Variants in RPAP3 observed in about 807,000 individuals in gnomAD.
RPAP3 encodes RNA polymerase II-associated protein 3.
In RPAP3, 58 loss-of-function variants were observed where a neutral mutation model predicts 88.8. The observed-to-expected ratio is 0.65, with a 90% confidence interval of 0.53 to 0.81. The LOEUF (loss-of-function observed/expected upper bound fraction) is 0.81. Ranked by LOEUF, RPAP3 falls within the 40% of genes least tolerant of loss-of-function variation. The probability of loss-of-function intolerance (pLI) is 0.00; values close to 1 mark genes in which losing one functional copy is unlikely to be tolerated. For synonymous variants in RPAP3, 255 were observed against 259.9 expected (o/e 0.98, Z 0.18); for missense variants, 751 against 764.3 (o/e 0.98, Z 0.20).
At chr12:47,696,491 T>A in intron 4 of RPAP3, 88 bp from the exon 5 acceptor site, 1 of 809,466 alleles carries the variant, frequency 1.2e-6, no homozygotes, top group Non-Finnish European at 1.8e-6. Flanking sequence ...TTGAAGTGCA[T>A]GGGTCCACTT....
At chr12:47,701,871 A>G (rs1260965040) in intron 2 of RPAP3, among the ~76,000 whole-genome samples, 3 of 152,348 alleles carry the variant, frequency 2.0e-5, no homozygotes, top group South Asian at 4.1e-4. Flanking sequence ...GCAATCCTAA[A>G]TTCAAACTTC....
Position 47,691,755 on chromosome 12 carries a change from C to CT in RPAP3, c.546-1117dup, listed in dbSNP as rs1294805773. 6.1e-5 allele frequency among the ~76,000 whole-genome samples: 9 copies of CT among 147,846 alleles called. No individual in the cohort carries two copies. The South Asian group carries it at 6.4e-4, about 11-fold the overall frequency. ...CTTTGAAATAAATCCTTTTTTTTTT[C>CT]TTTTTTTTTGAGACAGAGTCTTGCT... On this transcript the variant is annotated intron_variant, in intron 5 of 16. Coordinates refer to ENST00000005386, the MANE Select transcript of RPAP3 (RefSeq NM_024604.3).
At chr12:47,699,237 A>C (rs2136643236) in intron 3 of RPAP3, among the ~76,000 whole-genome samples, 1 of 152,358 alleles carries the variant, frequency 6.6e-6, no homozygotes, top group Non-Finnish European at 1.5e-5. Context: ...CTCAATCAAT[A>C]TCTGTTGAAT....
intron 5 of RPAP3, among the ~76,000 whole-genome samples, chr12:47,692,935 A>G (rs1416879561): frequency 6.6e-6 from 1 of 152,130 alleles, no homozygotes; most frequent in East Asian, 1.9e-4. Flanking sequence ...GCTGGAGTGC[A>G]GCGGCATGAT....
intron 4 of RPAP3, among the ~76,000 whole-genome samples, chr12:47,697,020 A>G (rs1939546327): frequency 6.6e-6 from 1 of 152,236 alleles, no homozygotes; most frequent in Admixed American, 6.5e-5. Flanking sequence ...TATACTCCTT[A>G]TTGACAATGC....
rs775389930 is a variant in RPAP3 at position 47,679,762 on chromosome 12, A to T, written c.1127T>A (p.Val376Asp). 1.9e-6 allele frequency: 3 copies of T among 1,604,470 alleles called. No individual in the cohort carries two copies. In the South Asian group the frequency reaches 3.4e-5, roughly 18 times the overall value. ...LNEAKQDFET[V>D]LLLEPGNKQA... ...CTTATTTCCAGGTTCCAGAAGTAAA[A>T]CAGTTTCAAAATCTAAAGCGAATTT... Residue 376 changes from valine (V) to aspartate (D), a missense_variant, in exon 11 of 17, where the codon GTT becomes GAT. Coordinates refer to ENST00000005386, the MANE Select transcript of RPAP3 (RefSeq NM_024604.3).
At chr12:47,675,698 T>C (rs991127289) in intron 12 of RPAP3, among the ~76,000 whole-genome samples, 1 of 152,154 alleles carries the variant, frequency 6.6e-6, no homozygotes, top group Non-Finnish European at 1.5e-5. Context: ...GATCTAACTA[T>C]CCTAAATATA....
chr12:47,667,599 C>T (rs984499301), intron 15 of RPAP3, among the ~76,000 whole-genome samples, 155 bp downstream of exon 15: 10 of 152,100 alleles, frequency 6.6e-5, no homozygotes, highest in African/African-American at 2.4e-4. Context: ...AAACGGCATA[C>T]TGTATAAACA....
At chr12:47,681,546 T>A in intron 10 of RPAP3, 150 bp downstream of exon 10, 1 of 790,134 alleles carries the variant, frequency 1.3e-6, no homozygotes, top group Non-Finnish European at 1.9e-6. Flanking sequence ...GCTGCATTCC[T>A]CCAAATCTAT....
At chr12:47,679,835 A>G (rs1363968483) in intron 10 of RPAP3, 61 bp from the exon 11 acceptor site, 6 of 1,123,458 alleles carry the variant, frequency 5.3e-6, no homozygotes, top group African/African-American at 3.1e-5. Flanking sequence ...TCATATTCGC[A>G]TGTATATTCA....
At chr12:47,679,804 CAT>C in intron 10 of RPAP3, 30 bp from the exon 11 acceptor site, 1 of 1,461,510 alleles carries the variant, frequency 6.8e-7, no homozygotes, top group Non-Finnish European at 9.5e-7. Context: ...AACATTACAA[CAT>C]AGTTAAAATG....
chr12:47,702,872 C>T, intron 1 of RPAP3, 26 bp from the exon 2 acceptor site: 1 of 1,596,820 alleles, frequency 6.3e-7, no homozygotes, highest in South Asian at 1.1e-5. Flanking sequence ...CAACCAACCT[C>T]TGATAAGAAT....
rs1028942853 is a variant in RPAP3 at position 47,665,441 on chromosome 12, T to C, written c.1912+1539A>G. Among the ~76,000 whole-genome samples the C allele has an allele frequency of 1.3e-4, 20 of 151,380 alleles. No individual in the cohort carries two copies. In the South Asian group the frequency reaches 2.1e-3, roughly 16 times the overall value. On this transcript the variant is annotated intron_variant, in intron 16 of 16. Transcript: ENST00000005386. ...TGACAGTTTGGTATATTAAAAGCTA[T>C]ATAAAACCACTATAATGGGGCAGAG...
chr12:47,688,758 G>C (rs1449731270), intron 7 of RPAP3, among the ~76,000 whole-genome samples: 3 of 152,162 alleles, frequency 2.0e-5, no homozygotes, highest in African/African-American at 7.2e-5. Context: ...ATGTGCAATA[G>C]TAGTGGTAAT....
chr12:47,695,408 T>A (rs1939505747), intron 5 of RPAP3, among the ~76,000 whole-genome samples: 1 of 152,100 alleles, frequency 6.6e-6, no homozygotes, highest in African/African-American at 2.4e-5. Flanking sequence ...ATAATAAACC[T>A]TTTTTAAATC....
At chr12:47,699,071 T>C (rs542201378) in intron 3 of RPAP3, among the ~76,000 whole-genome samples, 5 of 152,310 alleles carry the variant, frequency 3.3e-5, no homozygotes, top group South Asian at 4.1e-4. Flanking sequence ...CTGACATGTA[T>C]AGAAAACTAA....
chr12:47,697,642 ATCT>A lies in RPAP3; in HGVS notation c.369_371del (p.Glu123del), dbSNP rs748191124. 6.2e-7 allele frequency: 1 copy of A among 1,611,248 alleles called. No homozygotes were observed. Among genetic ancestry groups the A allele is most frequent in the Non-Finnish European group, 8.5e-7 (1 of 1,178,784 alleles). Reference sequence around the variant, plus strand: ...CCTTTTGTGAATCTACATGAATCCCATCTTCTTCCGACTCTGATTCTTGAGACA... The same window carrying A: ...CCTTTTGTGAATCTACATGAATCCCATCTTCCGACTCTGATTCTTGAGACA... On this transcript the variant is annotated inframe_deletion, in exon 4 of 17. Coordinates refer to ENST00000005386, the MANE Select transcript of RPAP3 (RefSeq NM_024604.3).
chr12:47,682,202 A>T (rs1390587664), intron 9 of RPAP3, among the ~76,000 whole-genome samples: 1 of 152,182 alleles, frequency 6.6e-6, no homozygotes, highest in East Asian at 1.9e-4. Flanking sequence ...ATTAACATTT[A>T]CCCACAGTAA....
chr12:47,686,070 A>G (rs1227368764), intron 9 of RPAP3, among the ~76,000 whole-genome samples: 11 of 152,252 alleles, frequency 7.2e-5, no homozygotes, highest in Non-Finnish European at 1.5e-4. Context: ...AGGGGAATTC[A>G]TGGCACTGAA....
Sources: gnomAD v4.1 joint callset for allele counts (sites outside exome capture counted in the v4.1 genomes callset) on GRCh38, gnomAD v4.1.1 for gene constraint, MANE v1.5 for transcripts, NCBI Gene and HGNC (gene_info 2026-07-23, HGNC 2026-07-21) for gene names.